Variants in COL4A1 observed in about 807,000 individuals in gnomAD.
COL4A1 encodes collagen type IV alpha 1 chain, also known as collagen alpha-1(IV) chain.
Under a neutral mutation model 216.6 loss-of-function variants are expected in COL4A1, and 40 were observed. That is an observed-to-expected ratio of 0.18 (90% CI 0.14 to 0.24). COL4A1 has a LOEUF of 0.24. COL4A1 is among the 10% of genes least tolerant of loss of function. COL4A1 has a pLI of 1.00. For missense variants in COL4A1, 1,628 were observed against 2,196.8 expected, an observed-to-expected ratio of 0.74 and a Z score of 5.18; for synonymous variants, 839 against 810.7, an observed-to-expected ratio of 1.03 and a Z score of -0.59.
chr13:110,208,738 G>T, intron 12 of COL4A1, 111 bp downstream of exon 12: 1 of 1,006,658 alleles, frequency 9.9e-7, no homozygotes, highest in South Asian at 1.3e-5. Flanking sequence ...AGAACATGCA[G>T]AGAAGAGTAA....
chr13:110,275,391 A>G (rs1883390969), intron 1 of COL4A1, among the ~76,000 whole-genome samples: 1 of 152,228 alleles, frequency 6.6e-6, no homozygotes, highest in African/African-American at 2.4e-5. Context: ...GAAACCCAGA[A>G]CAGTGACAAT....
At chr13:110,301,241 G>A (rs938336227) in intron 1 of COL4A1, among the ~76,000 whole-genome samples, 13 of 152,348 alleles carry the variant, frequency 8.5e-5, no homozygotes, top group Middle Eastern at 3.4e-3. Flanking sequence ...TCCGGGGGTG[G>A]GGAGGGGGCT....
At chr13:110,247,790 C>CGT (rs56086913) in intron 1 of COL4A1, among the ~76,000 whole-genome samples, 2,953 of 57,720 alleles carry the variant, frequency 0.051, 167 homozygotes, top group African/African-American at 0.11. Context: ...CTATGCTACT[C>CGT]GTGTGTGTGT....
chr13:110,258,472 A>T (rs9515175), intron 1 of COL4A1, among the ~76,000 whole-genome samples: 6 of 151,996 alleles, frequency 3.9e-5, no homozygotes, highest in African/African-American at 7.2e-5. Context: ...CCCAGGAGCC[A>T]GAGGTTGCAG....
intron 1 of COL4A1, among the ~76,000 whole-genome samples, chr13:110,275,738 G>A (rs750738069): frequency 2.0e-5 from 3 of 152,166 alleles, no homozygotes; most frequent in African/African-American, 4.8e-5. Flanking sequence ...CTATCAAGAC[G>A]TGAACAGACA....
chr13:110,297,266 C>T (rs555683420), intron 1 of COL4A1, among the ~76,000 whole-genome samples: 1 of 152,280 alleles, frequency 6.6e-6, no homozygotes, highest in African/African-American at 2.4e-5. Context: ...CATACAAAGA[C>T]ACTTATCACT....
intron 2 of COL4A1, among the ~76,000 whole-genome samples, chr13:110,222,185 G>A (rs924168520): frequency 2.0e-5 from 3 of 152,122 alleles, no homozygotes; most frequent in African/African-American, 7.2e-5. Context: ...ATGTGAAACA[G>A]GCACATTCAC....
chr13:110,261,796 T>C (rs1056242886), intron 1 of COL4A1, among the ~76,000 whole-genome samples: 10 of 152,196 alleles, frequency 6.6e-5, no homozygotes, highest in Admixed American at 3.9e-4. Flanking sequence ...CTCTGCGTCC[T>C]CTGCCACCCC....
intron 20 of COL4A1, among the ~76,000 whole-genome samples, chr13:110,198,864 T>C (rs1479953883): frequency 6.6e-6 from 1 of 152,248 alleles, no homozygotes; most frequent in Non-Finnish European, 1.5e-5. Context: ...ATTACGTAGA[T>C]ATTAAAATCT....
At chr13:110,164,424 G>A (rs1019683858) in intron 46 of COL4A1, among the ~76,000 whole-genome samples, 2 of 152,188 alleles carry the variant, frequency 1.3e-5, no homozygotes, top group African/African-American at 4.8e-5. Context: ...CAAATAAGCA[G>A]AAGACTATGT....
rs759892475 is a variant in COL4A1 at position 110,186,510 on chromosome 13, A to G, written c.1772T>C (p.Val591Ala). 3.7e-6 allele frequency: 6 copies of G among 1,613,488 alleles called. No individual in the cohort carries two copies. The highest frequency in any genetic ancestry group is 2.7e-5 in the African/African-American group (2 of 74,802). ...GTCACCACGACTGCCTGGGAATCCA[A>G]CTCCTCCAGGGGGGCCACGCTCTCC... ...LKGERGPPGG[V>A]GFPGSRGDTG... The change falls in exon 26 of 52, where the codon GTT (valine) becomes GCT (alanine). Residue 591 changes from valine to alanine, a missense_variant. Physicochemically the swap from Val to Ala is moderately conservative, Grantham distance 64. Coordinates refer to ENST00000375820, the MANE Select transcript of COL4A1 (RefSeq NM_001845.6).
chr13:110,297,819 C>A (rs896166380), intron 1 of COL4A1, among the ~76,000 whole-genome samples: 4 of 152,028 alleles, frequency 2.6e-5, no homozygotes, highest in Non-Finnish European at 5.9e-5. Flanking sequence ...CACACACTTA[C>A]TGAACAAATT....
intron 41 of COL4A1, among the ~76,000 whole-genome samples, chr13:110,172,122 TA>T (rs1877672858): frequency 6.6e-6 from 1 of 152,234 alleles, no homozygotes; most frequent in Non-Finnish European, 1.5e-5. Context: ...CCACGGGCCA[TA>T]AGCATGCCCA....
chr13:110,193,211 A>G (rs1464676485), intron 22 of COL4A1, among the ~76,000 whole-genome samples: 1 of 152,262 alleles, frequency 6.6e-6, no homozygotes, highest in African/African-American at 2.4e-5. Context: ...GGGCTGCCTC[A>G]GTAAAAAGTG....
At chr13:110,238,407 C>A (rs772264810) in intron 2 of COL4A1, among the ~76,000 whole-genome samples, 4 of 152,226 alleles carry the variant, frequency 2.6e-5, no homozygotes, top group Non-Finnish European at 5.9e-5. Flanking sequence ...CTGATTAATG[C>A]AGTTCAATTA....
rs560033776 is a variant in COL4A1, at chr13:110,232,278, T to C, written c.144+10397A>G. ...AAGGGGCACCACGTCCCCAGAGCCATCTGGTTTGCTCGTTAACTCTGACTA... is the reference window on the plus strand; with the variant it reads ...AAGGGGCACCACGTCCCCAGAGCCACCTGGTTTGCTCGTTAACTCTGACTA... On this transcript the variant is annotated intron_variant, in intron 2 of 51. Coordinates refer to ENST00000375820, the MANE Select transcript of COL4A1 (RefSeq NM_001845.6). Among the ~76,000 whole-genome samples the C allele has an allele frequency of 8.5e-5, 13 of 152,340 alleles. No individual in the cohort carries two copies. The South Asian group carries it at 2.7e-3, about 32-fold the overall frequency.
At chr13:110,214,370 A>G (rs779501890) in intron 2 of COL4A1, among the ~76,000 whole-genome samples, 1 of 152,148 alleles carries the variant, frequency 6.6e-6, no homozygotes, top group Non-Finnish European at 1.5e-5. Flanking sequence ...GATTACAGGC[A>G]TGGGCTACCA....
intron 1 of COL4A1, among the ~76,000 whole-genome samples, chr13:110,296,049 A>C (rs1368706349): frequency 6.6e-6 from 1 of 152,218 alleles, no homozygotes; most frequent in Non-Finnish European, 1.5e-5. Flanking sequence ...AAGTTCTCAA[A>C]AGTGATTCCC....
chr13:110,245,250 CAAGTCCCTGGAGTTTCGGGG>C (rs1881746277), intron 1 of COL4A1, among the ~76,000 whole-genome samples: 1 of 152,200 alleles, frequency 6.6e-6, no homozygotes, highest in Non-Finnish European at 1.5e-5. Flanking sequence ...AGGTCATCTC[CAAGTCCCTGGAGTTTCGGGG>C]CAGCCTCTTT....
Sources: allele counts gnomAD v4.1 joint callset (sites outside exome capture counted in the v4.1 genomes callset), GRCh38; gene constraint gnomAD v4.1.1; transcripts MANE v1.5; gene names NCBI Gene and HGNC (gene_info 2026-07-23, HGNC 2026-07-21).